The following CCDC110 variants were observed in gnomAD, a reference collection of about 807,000 sequenced individuals.
CCDC110 encodes the protein coiled-coil domain containing 110, also known as coiled-coil domain-containing protein 110.
CCDC110 carries 70 observed loss-of-function variants against 77.1 expected under a neutral mutation model. The observed-to-expected ratio is 0.91, with a 90% CI of 0.75 to 1.11. The LOEUF (loss-of-function observed/expected upper bound fraction) is 1.11, where lower values mean the gene tolerates loss of function less well. CCDC110 is among the 50% of genes least tolerant of loss of function. The probability of loss-of-function intolerance (pLI) is 0.00; values close to 1 mark genes in which losing one functional copy is unlikely to be tolerated. For missense variants in CCDC110, 868 were observed against 942.9 expected (o/e 0.92, Z 1.04); for synonymous variants, 295 against 312.5 (o/e 0.94, Z 0.59).
intron 6 of CCDC110, among the ~76,000 whole-genome samples, chr4:185,455,186 T>A (rs1192168818): frequency 6.9e-6 from 1 of 145,630 alleles, no homozygotes; most frequent in Admixed American, 6.7e-5. Context: ...ATTGTCAATG[T>A]TTTTTTAACA....
intron 6 of CCDC110, among the ~76,000 whole-genome samples, chr4:185,446,958 A>G (rs1399890791): frequency 1.3e-5 from 2 of 152,052 alleles, no homozygotes; most frequent in South Asian, 2.1e-4. Context: ...CTCATGAAAT[A>G]CATGTACTTT....
At chr4:185,469,339 G>A (rs2095661697) in intron 2 of CCDC110, among the ~76,000 whole-genome samples, 1 of 152,170 alleles carries the variant, frequency 6.6e-6, no homozygotes, top group Non-Finnish European at 1.5e-5. Context: ...CCTGTCCTGT[G>A]TCAACCCCAG....
chr4:185,463,488 C>G (rs1303927639), intron 2 of CCDC110, among the ~76,000 whole-genome samples: 1 of 152,176 alleles, frequency 6.6e-6, no homozygotes, highest in Non-Finnish European at 1.5e-5. Flanking sequence ...AATTTTTGTC[C>G]TGGCTTAAGC....
intron 6 of CCDC110, among the ~76,000 whole-genome samples, chr4:185,450,742 TAA>T (rs59657318): frequency 1.5e-5 from 2 of 136,454 alleles, no homozygotes; most frequent in Non-Finnish European, 1.6e-5. Context: ...AGACTCTGTC[TAA>T]AAAAAAAAAA....
chr4:185,461,285 T>C, intron 4 of CCDC110, 126 bp from the exon 5 acceptor site: 1 of 522,244 alleles, frequency 1.9e-6, no homozygotes, highest in Non-Finnish European at 3.4e-6. Flanking sequence ...TTTCCCATCT[T>C]ATAGAATATA....
intron 1 of CCDC110, 31 bp from the exon 2 acceptor site, chr4:185,471,080 C>A (rs779627058): frequency 1.0e-6 from 1 of 972,098 alleles, no homozygotes. Context: ...GCTGTTCTGT[C>A]GCGGGTCGTG....
chr4:185,445,264 T>C lies in CCDC110; in HGVS notation c.*238A>G. ...TGTGGGTGACTTTAGACATCTCAGC[T>C]CCTTCCATGTACAGGTACCTGCCCT... On this transcript the variant is annotated 3_prime_UTR_variant, in exon 7 of 7. Transcript: ENST00000307588. 1 of 814,580 alleles carries C rather than the reference T, an allele frequency of 1.2e-6. No individual in the cohort carries two copies. 50.5% of individuals were successfully genotyped at this position (814,580 alleles called of 1,614,324 possible).
rs745925228 is a variant in CCDC110 at position 185,462,715 on chromosome 4, C to T, written c.172-7G>A. The T allele has an allele frequency of 3.7e-6, 6 of 1,611,478 alleles. No homozygotes were observed. The African/African-American group carries it at 8.0e-5, about 22-fold the overall frequency. On this transcript the variant is annotated splice_polypyrimidine_tract_variant and splice_region_variant and intron_variant, in intron 3 of 6. Transcript: ENST00000307588. Reference sequence around the variant, plus strand: ...CCAACTGCTGCTGAAGGACCTATGACAAAAGTAAAGTATGAAATTGAGTAT... The same window carrying T: ...CCAACTGCTGCTGAAGGACCTATGATAAAAGTAAAGTATGAAATTGAGTAT...
chr4:185,462,896 A>C (rs2095648953), intron 3 of CCDC110, 98 bp downstream of exon 3: 1 of 1,128,034 alleles, frequency 8.9e-7, no homozygotes, highest in Admixed American at 1.8e-5. Context: ...TGTGAGGATA[A>C]AGTGAGAGAA....
In CCDC110 at chr4:185,468,216, C is replaced by T. The variant is rs1387368051; in HGVS notation, c.115+2729G>A. 6.6e-6 allele frequency among the ~76,000 whole-genome samples: 1 copy of T among 152,200 alleles called. No individual in the cohort carries two copies. Among genetic ancestry groups the T allele is most frequent in the Non-Finnish European group, 1.5e-5 (1 of 68,028 alleles). ...GAGCTATGCAACAGGTTGCCTGCCG[C>T]CCAGATTTGAATTCTAGCTTTGCCA... is the stretch of plus-strand genomic sequence containing the variant. On this transcript the variant is annotated intron_variant, in intron 2 of 6. Transcript: ENST00000307588. This position sits in a 1 kb window ranked among gnomAD's most constrained non-coding sequence, Gnocchi z 4.5.
At chr4:185,457,400 T>C in intron 6 of CCDC110, 1 of 436,088 alleles carries the variant, frequency 2.3e-6, no homozygotes, top group Admixed American at 2.5e-5. Flanking sequence ...TCTCCTGTAA[T>C]GCAATCCACT....
Position 185,471,731 on chromosome 4 carries a change from G to C in CCDC110, c.-48C>G, listed in dbSNP as rs934078127. On this transcript the variant is annotated 5_prime_UTR_variant, in exon 1 of 7. Transcript: ENST00000307588. Reference sequence around the variant, plus strand: ...AACCGCCGCCGCACGCACCCGCTCCGCCGCCCCGCGCAGGGCATCCTGTCG... The same window carrying C: ...AACCGCCGCCGCACGCACCCGCTCCCCCGCCCCGCGCAGGGCATCCTGTCG... 4.0e-6 allele frequency: 6 copies of C among 1,507,304 alleles called. No homozygotes were observed. The South Asian group carries it at 6.3e-5, about 16-fold the overall frequency. 93.4% of individuals were successfully genotyped at this position (1,507,304 alleles called of 1,614,324 possible).
In CCDC110 at chr4:185,464,444, T is replaced by C. The variant is rs984378897; in HGVS notation, c.116-1395A>G. ...CAGAGGGCGGATCTTGCTGTCTGGA[T>C]CTTGCTTAGCTTTGCCTCTTCTTGG... On this transcript the variant is annotated intron_variant, in intron 2 of 6. Coordinates refer to ENST00000307588, the MANE Select transcript of CCDC110 (RefSeq NM_152775.4). Among the ~76,000 whole-genome samples the C allele has an allele frequency of 3.9e-5, 6 of 152,282 alleles. No homozygotes were observed. In the South Asian group the frequency reaches 1.0e-3, roughly 26 times the overall value.
In CCDC110 at chr4:185,448,267, C is replaced by T. The variant is rs191114879; in HGVS notation, c.2462-2725G>A. On this transcript the variant is annotated intron_variant, in intron 6 of 6. Coordinates refer to ENST00000307588, the MANE Select transcript of CCDC110 (RefSeq NM_152775.4). ...AACTCCTGACCTCAGGTGATCCGCC[C>T]GCCTCAGCCTCCCAAAGTGCTGGGA... Among the ~76,000 whole-genome samples, 453 of 152,246 alleles carry T rather than the reference C, an allele frequency of 3.0e-3. 2 individuals are homozygous for T. The highest frequency in any genetic ancestry group is 4.7e-3 in the Non-Finnish European group (320 of 67,998).
At position 185,461,178 on chromosome 4, in the gene CCDC110, G is replaced by A. The variant is rs772472844; in HGVS notation, c.238-19C>T. 1.6e-6 allele frequency: 2 copies of A among 1,261,408 alleles called. No individual in the cohort carries two copies. Among genetic ancestry groups the A allele is most frequent in the Admixed American group, 2.2e-5 (1 of 45,764 alleles). 78.1% of individuals were successfully genotyped at this position (1,261,408 alleles called of 1,614,324 possible). On this transcript the variant is annotated intron_variant, in intron 4 of 6. Transcript: ENST00000307588. Reference sequence around the variant, plus strand: ...ACTGTACCTTTAAAAGATAAATTGAGAAAAATTTGATTTCAGATTTGTAAA... The same window carrying A: ...ACTGTACCTTTAAAAGATAAATTGAAAAAAATTTGATTTCAGATTTGTAAA...
At chr4:185,460,770 G>A (rs1159762552) in intron 5 of CCDC110, 2 of 359,554 alleles carry the variant, frequency 5.6e-6, no homozygotes, top group Non-Finnish European at 1.1e-5. Context: ...GAATAGATTG[G>A]CTATAAAAAC....
At chr4:185,470,688 A>T (rs1165540096) in intron 2 of CCDC110, 2 of 578,974 alleles carry the variant, frequency 3.5e-6, no homozygotes, top group African/African-American at 3.7e-5. Flanking sequence ...GACCTTAGGG[A>T]GTTAACCTCT....
intron 3 of CCDC110, 27 bp downstream of exon 3, chr4:185,462,967 A>G (rs1443773317): frequency 6.3e-7 from 1 of 1,581,482 alleles, no homozygotes. Context: ...AGAATTTTGG[A>G]GATGATAAAA....
chr4:185,471,092 C>G, intron 1 of CCDC110, 43 bp from the exon 2 acceptor site: 1 of 342,616 alleles, frequency 2.9e-6, no homozygotes, highest in Non-Finnish European at 4.4e-6. Flanking sequence ...CGGGTCGTGG[C>G]GTGGCGGGGC....
Sources: allele counts gnomAD v4.1 joint callset (sites outside exome capture counted in the v4.1 genomes callset), GRCh38; gene constraint gnomAD v4.1.1; non-coding constraint Gnocchi (gnomAD v3.1); transcripts MANE v1.5; gene names NCBI Gene and HGNC (gene_info 2026-07-23, HGNC 2026-07-21).